Variants in KIF1C observed in about 807,000 individuals in gnomAD.
KIF1C encodes kinesin family member 1C.
In KIF1C, 61 loss-of-function variants were observed where a neutral mutation model predicts 126.5. The ratio of observed to expected loss-of-function variants is 0.48; its 90% CI spans 0.39 to 0.60. The LOEUF is 0.60. Among genes scored for constraint, KIF1C ranks in the 20% least tolerant of loss-of-function variants. The pLI is 0.00. For synonymous variants in KIF1C, 640 were observed against 580.6 expected (o/e 1.10, Z -1.47); for missense variants, 1,315 against 1,489.2 (o/e 0.88, Z 1.93).
At chr17:5,017,430 G>A (rs1367472908) in intron 18 of KIF1C, among the ~76,000 whole-genome samples, 1 of 151,206 alleles carries the variant, frequency 6.6e-6, no homozygotes, top group Non-Finnish European at 1.5e-5. Flanking sequence ...CTCCTGAGTA[G>A]CTGGGACTAC....
rs540654880 is a variant in KIF1C at position 5,018,518 on chromosome 17, C to T, written c.1667-1478C>T. Reference sequence around the variant, plus strand: ...CAGCCTGACCAACATGGAGAAACCCCGTCTCTACTAAAAATACAAAATTAG... The same window carrying T: ...CAGCCTGACCAACATGGAGAAACCCTGTCTCTACTAAAAATACAAAATTAG... On this transcript the variant is annotated intron_variant, in intron 18 of 22. Transcript: ENST00000320785. Among the ~76,000 whole-genome samples, 15 of 151,742 alleles carry T rather than the reference C, an allele frequency of 9.9e-5. No individual in the cohort carries two copies. The East Asian group carries it at 2.6e-3, about 26-fold the overall frequency.
intron 18 of KIF1C, chr17:5,019,175 A>G (rs1452675302): frequency 1.2e-5 from 2 of 167,222 alleles, no homozygotes; most frequent in African/African-American, 4.8e-5. Flanking sequence ...GTGTTTCTCT[A>G]TTACTTCCAG....
At position 5,023,418 on chromosome 17, in the gene KIF1C, G is replaced by A; in HGVS notation, c.2629-50G>A. ...CCCTCTTGAATCCACATGTCCTGAG[G>A]ATTCAGCTCTCCTCACATCCCTTCT... On this transcript the variant is annotated intron_variant, in intron 22 of 22. Transcript: ENST00000320785. This position sits in a 1 kb window ranked among gnomAD's most constrained non-coding sequence, Gnocchi z 4.2. 2.7e-6 allele frequency: 4 copies of A among 1,502,476 alleles called. No homozygotes were observed. Among genetic ancestry groups the A allele is most frequent in the East Asian group, 2.3e-5 (1 of 43,372 alleles). 93.1% of individuals were successfully genotyped at this position (1,502,476 alleles called of 1,614,324 possible).
Position 5,020,576 on chromosome 17 carries a change from C to T in KIF1C, c.1835C>T (p.Pro612Leu), listed in dbSNP as rs566159956. 1.2e-6 allele frequency: 2 copies of T among 1,614,248 alleles called. No homozygotes were observed. The highest frequency in any genetic ancestry group is 1.3e-5 in the African/African-American group (1 of 75,072). ...QARLERERGV[P>L]PPPGPPSEPV... ...AGGCTGGAACGGGAACGAGGGGTCC[C>T]CCCACCCCCAGGACCGCCCTCTGAG... Residue 612 changes from proline to leucine, a missense_variant, in exon 20 of 23, where the codon CCC becomes CTC. Transcript: ENST00000320785. This position sits in a 1 kb window ranked among gnomAD's most constrained non-coding sequence, Gnocchi z 5.8.
At chr17:5,003,770 T>C (rs1974662058) in intron 9 of KIF1C, 81 bp downstream of exon 9, 5 of 1,553,726 alleles carry the variant, frequency 3.2e-6, no homozygotes, top group African/African-American at 2.7e-5. Context: ...AACCTGAGAC[T>C]CTCACTGGGG....
intron 18 of KIF1C, among the ~76,000 whole-genome samples, chr17:5,018,846 A>G (rs1975032542): frequency 6.6e-6 from 1 of 152,196 alleles, no homozygotes; most frequent in African/African-American, 2.4e-5. Flanking sequence ...TATTTCTGAG[A>G]CCTAGTAAAA....
chr17:5,002,950 A>T (rs1408214717), intron 8 of KIF1C, 108 bp downstream of exon 8: 8 of 847,824 alleles, frequency 9.4e-6, no homozygotes, highest in Non-Finnish European at 1.1e-5. Context: ...TGCTGGGTTG[A>T]GTGCCTCCTC....
intron 16 of KIF1C, among the ~76,000 whole-genome samples, chr17:5,008,952 G>GT (rs1032045568): frequency 1.3e-5 from 2 of 152,138 alleles, no homozygotes; most frequent in African/African-American, 4.8e-5. Flanking sequence ...TTCTTCCTTG[G>GT]AGAGCTTGCA....
chr17:5,005,812 C>T (rs993511518), intron 13 of KIF1C, among the ~76,000 whole-genome samples: 3 of 151,224 alleles, frequency 2.0e-5, no homozygotes, highest in Admixed American at 6.6e-5. Flanking sequence ...CTGCAACCTC[C>T]GCCTTCTGGG....
At position 5,002,550 on chromosome 17, in the gene KIF1C, C is replaced by G; in HGVS notation, c.516C>G (p.Pro172=). 1 of 1,614,116 alleles carries G rather than the reference C, an allele frequency of 6.2e-7. No homozygotes were observed. Among genetic ancestry groups the G allele is most frequent in the South Asian group, 1.1e-5 (1 of 91,082 alleles). The part of the protein sequence containing the change: ...SRGSLRVREH[P]ILGPYVQDLS... Reference sequence around the variant, plus strand: ...GTTCTCTGCGGGTCCGGGAGCACCCCATCCTGGGCCCGTACGTGCAGGACC... The same window carrying G: ...GTTCTCTGCGGGTCCGGGAGCACCCGATCCTGGGCCCGTACGTGCAGGACC... Residue 172 remains proline, a synonymous_variant, in exon 7 of 23, where the codon CCC becomes CCG. Transcript: ENST00000320785.
At chr17:5,018,481 G>C (rs542133262) in intron 18 of KIF1C, among the ~76,000 whole-genome samples, 1 of 152,046 alleles carries the variant, frequency 6.6e-6, no homozygotes, top group East Asian at 1.9e-4. Flanking sequence ...CCTGAGGTCA[G>C]GAGTTGGAGA....
At chr17:5,010,273 G>T (rs1974832427) in intron 16 of KIF1C, among the ~76,000 whole-genome samples, 2 of 152,076 alleles carry the variant, frequency 1.3e-5, no homozygotes, top group Non-Finnish European at 1.5e-5. Context: ...CGGTGTCAGG[G>T]TATTCTATTG....
intron 3 of KIF1C, among the ~76,000 whole-genome samples, 182 bp downstream of exon 3, chr17:5,000,534 A>G (rs1329750409): frequency 6.7e-6 from 1 of 150,142 alleles, no homozygotes; most frequent in African/African-American, 2.4e-5. Flanking sequence ...GGGAGGGGGA[A>G]TGTTGGCCTG....
In KIF1C at chr17:5,020,062, C is replaced by A. The variant is rs1423334662; in HGVS notation, c.1733C>A (p.Pro578Gln). The change falls in exon 19 of 23, where the codon CCG becomes CAG. Residue 578 changes from proline to glutamine, a missense_variant. By Grantham distance (76) the Pro-to-Gln change is moderately conservative. Transcript: ENST00000320785. This position sits in a 1 kb window ranked among gnomAD's most constrained non-coding sequence, Gnocchi z 5.8. ...TYVNGKLVTE[P>Q]LVLKSGNRIV... ...GTGAATGGGAAGCTTGTGACGGAGC[C>A]GCTGGTGCTGAAGTCAGGTAGAAGA... The A allele has an allele frequency of 6.3e-7, 1 of 1,595,896 alleles. No individual in the cohort carries two copies. The highest frequency in any genetic ancestry group is 8.5e-7 in the Non-Finnish European group (1 of 1,170,998).
intron 14 of KIF1C, 60 bp from the exon 15 acceptor site, chr17:5,007,203 C>G: frequency 1.3e-6 from 2 of 1,554,392 alleles, no homozygotes; most frequent in Non-Finnish European, 1.8e-6. Flanking sequence ...GGTAGGTTGT[C>G]CCTACCCTGG....
At chr17:5,000,873 G>C in intron 4 of KIF1C, 25 bp downstream of exon 4, 1 of 1,603,534 alleles carries the variant, frequency 6.2e-7, no homozygotes, top group Non-Finnish European at 8.5e-7. Flanking sequence ...TGGGGGAAGA[G>C]CAAGGCAGTG....
chr17:4,998,378 T>C (rs1339022154), intron 1 of KIF1C, among the ~76,000 whole-genome samples: 1 of 152,160 alleles, frequency 6.6e-6, no homozygotes, highest in African/African-American at 2.4e-5. Context: ...GGCGGGGACC[T>C]GTGTGAGAAC....
chr17:5,014,162 C>G (rs1427945923), intron 17 of KIF1C: 1 of 181,288 alleles, frequency 5.5e-6, no homozygotes, highest in Non-Finnish European at 1.1e-5. Context: ...GGTGCCTCCC[C>G]TAAAGGGGTG....
intron 18 of KIF1C, among the ~76,000 whole-genome samples, chr17:5,017,583 C>T (rs111821911): frequency 0.034 from 5,201 of 152,204 alleles, 283 homozygotes; most frequent in African/African-American, 0.12. Context: ...GGATTATAGG[C>T]GTGAGCCACG....
Sources: gnomAD v4.1 joint callset for allele counts (sites outside exome capture counted in the v4.1 genomes callset) on GRCh38, gnomAD v4.1.1 for gene constraint, Gnocchi (gnomAD v3.1) non-coding constraint, MANE v1.5 for transcripts, NCBI Gene and HGNC (gene_info 2026-07-23, HGNC 2026-07-21) for gene names.